SEL1L2: variants seen among roughly 807,000 people sequenced by gnomAD.
SEL1L2 encodes the protein protein sel-1 homolog 2.
In SEL1L2, 89 loss-of-function variants were observed where a neutral mutation model predicts 98.8. The ratio of observed to expected loss-of-function variants is 0.90; its 90% CI spans 0.76 to 1.07. The LOEUF is 1.07. Among genes scored for constraint, SEL1L2 ranks in the 50% least tolerant of loss-of-function variants. The probability of loss-of-function intolerance (pLI) is 0.00; values close to 1 mark genes in which losing one functional copy is unlikely to be tolerated. For synonymous variants in SEL1L2, 262 were observed against 278.5 expected (o/e 0.94, Z 0.59); for missense variants, 788 against 812.0 (o/e 0.97, Z 0.36).
intron 17 of SEL1L2, 132 bp from the exon 18 acceptor site, chr20:13,859,566 C>T (rs1989750052): frequency 5.6e-6 from 4 of 714,602 alleles, no homozygotes; most frequent in African/African-American, 1.8e-5. Context: ...TAAAAAGGAA[C>T]CAAAAACACT....
intron 3 of SEL1L2, among the ~76,000 whole-genome samples, chr20:13,923,976 A>G (rs1201231815): frequency 6.6e-6 from 1 of 152,094 alleles, no homozygotes. Flanking sequence ...TTTCATTTTT[A>G]TATTTTGAGA....
At chr20:13,875,997 A>G (rs773753153) in intron 12 of SEL1L2, 41 bp downstream of exon 12, 1 of 1,471,278 alleles carries the variant, frequency 6.8e-7, no homozygotes, top group South Asian at 1.1e-5. Context: ...AATAAAAGCA[A>G]TTTGTGTGTA....
intron 2 of SEL1L2, among the ~76,000 whole-genome samples, chr20:13,936,770 C>T (rs942331300): frequency 6.6e-6 from 1 of 152,170 alleles, no homozygotes; most frequent in African/African-American, 2.4e-5. Context: ...TTGCAATTCC[C>T]CTGTCTTGAT....
At chr20:13,912,658 T>C (rs1234114602) in intron 5 of SEL1L2, among the ~76,000 whole-genome samples, 5 of 152,108 alleles carry the variant, frequency 3.3e-5, no homozygotes, top group African/African-American at 1.2e-4. Context: ...ACCACCATCT[T>C]TGGTCCTTCA....
At chr20:13,968,410 G>A (rs1483809388) in intron 1 of SEL1L2, among the ~76,000 whole-genome samples, 4 of 152,238 alleles carry the variant, frequency 2.6e-5, no homozygotes, top group Non-Finnish European at 4.4e-5. Context: ...CATAGCAAGT[G>A]CCTAATAAAT....
At chr20:13,957,656 C>T (rs1340056453) in intron 1 of SEL1L2, among the ~76,000 whole-genome samples, 1 of 152,280 alleles carries the variant, frequency 6.6e-6, no homozygotes, top group Admixed American at 6.5e-5. Context: ...GTGGCCGGCT[C>T]CCTTGAGCCC....
At chr20:13,924,968 G>C (rs1332199390) in intron 3 of SEL1L2, among the ~76,000 whole-genome samples, 2 of 151,878 alleles carry the variant, frequency 1.3e-5, no homozygotes, top group African/African-American at 4.8e-5. Context: ...GTGAGATCCT[G>C]TCTCTACTAA....
At chr20:13,852,932 T>C (rs915704983) in intron 18 of SEL1L2, among the ~76,000 whole-genome samples, 10 of 152,136 alleles carry the variant, frequency 6.6e-5, no homozygotes, top group African/African-American at 2.4e-4. Context: ...CTTATTTTCT[T>C]TTTATAAATA....
At chr20:13,890,616 G>A (rs1013135813) in intron 5 of SEL1L2, among the ~76,000 whole-genome samples, 2 of 151,764 alleles carry the variant, frequency 1.3e-5, no homozygotes, top group Non-Finnish European at 2.9e-5. Context: ...CAACAACAAG[G>A]CACACCAGGA....
At chr20:13,968,558 G>A (rs897454487) in intron 1 of SEL1L2, among the ~76,000 whole-genome samples, 1 of 152,206 alleles carries the variant, frequency 6.6e-6, no homozygotes, top group African/African-American at 2.4e-5. Flanking sequence ...CTCTGTACCT[G>A]TGGCCTTTTC....
At chr20:13,904,870 T>G (rs1340901191) in intron 5 of SEL1L2, among the ~76,000 whole-genome samples, 1 of 152,198 alleles carries the variant, frequency 6.6e-6, no homozygotes, top group African/African-American at 2.4e-5. Context: ...ATAAAGATAC[T>G]GTTCTATTGA....
At chr20:13,888,077 TCCATTTTTATTCCTAGCTCCATAATGAC>T in intron 6 of SEL1L2, 76 bp from the exon 7 acceptor site, 1 of 1,221,128 alleles carries the variant, frequency 8.2e-7, no homozygotes, top group Non-Finnish European at 1.2e-6. Flanking sequence ...AACCAAGTAT[TCCATTTTTATTCCTAGCTCCATAATGAC>T]CCATTGAGTT....
chr20:13,919,584 A>G (rs1418612571), intron 3 of SEL1L2, among the ~76,000 whole-genome samples: 4 of 152,200 alleles, frequency 2.6e-5, no homozygotes. Flanking sequence ...CATCTCCAAG[A>G]TGACCAGTGT....
intron 1 of SEL1L2, among the ~76,000 whole-genome samples, chr20:13,973,659 T>G (rs564486232): frequency 2.0e-5 from 3 of 152,214 alleles, no homozygotes; most frequent in Non-Finnish European, 4.4e-5. Context: ...GCGATTTGTC[T>G]CTTTTTGCAC....
intron 2 of SEL1L2, among the ~76,000 whole-genome samples, chr20:13,932,941 G>A (rs13041647): frequency 6.6e-6 from 1 of 152,176 alleles, no homozygotes. Context: ...GGCTAGGCGG[G>A]GTGGCTTACA....
At chr20:13,872,823 G>C (rs2046264718) in intron 12 of SEL1L2, among the ~76,000 whole-genome samples, 1 of 152,130 alleles carries the variant, frequency 6.6e-6, no homozygotes, top group East Asian at 1.9e-4. Context: ...CCATGCCGGT[G>C]ATATAAGAAA....
chr20:13,913,425 G>A (rs2048282657), intron 5 of SEL1L2: 1 of 159,942 alleles, frequency 6.3e-6, no homozygotes, highest in South Asian at 2.0e-4. Flanking sequence ...CTATGAAATG[G>A]CTATGTTATT....
At position 13,888,462 on chromosome 20, in the gene SEL1L2, A is replaced by C; in HGVS notation, c.600T>G (p.Ala200=). ...SYGIGMEYDQ[A]KALIYYTFGS... is the part of the protein sequence containing the mutation. ...AATAAAACAGAATGATCTTTACCTT[A>C]GCTTGATCATATTCCATTCCTATTC... The change falls in exon 6 of 20, where the codon GCT becomes GCG. Residue 200 remains alanine, a synonymous_variant. Coordinates refer to ENST00000284951, the MANE Select transcript of SEL1L2 (RefSeq NM_025229.2). 6.4e-7 allele frequency: 1 copy of C among 1,557,510 alleles called. No individual in the cohort carries two copies. The highest frequency in any genetic ancestry group is 1.2e-5 in the South Asian group (1 of 86,654).
chr20:13,958,596 C>T (rs370093118), intron 1 of SEL1L2, among the ~76,000 whole-genome samples: 5 of 152,168 alleles, frequency 3.3e-5, no homozygotes, highest in Admixed American at 1.3e-4. Flanking sequence ...ACACATTTGG[C>T]CCAGGAACTG....
Sources: allele counts gnomAD v4.1 joint callset (sites outside exome capture counted in the v4.1 genomes callset), GRCh38; gene constraint gnomAD v4.1.1; transcripts MANE v1.5; gene names NCBI Gene and HGNC (gene_info 2026-07-23, HGNC 2026-07-21).